Variants in RNGTT observed in about 807,000 individuals in gnomAD.
RNGTT encodes the protein RNA guanylyltransferase and 5'-phosphatase.
Under a neutral mutation model 79.3 loss-of-function variants are expected in RNGTT, and 33 were observed. That is an observed-to-expected ratio of 0.42 (90% CI 0.32 to 0.56). The LOEUF is 0.56. Among genes scored for constraint, RNGTT ranks in the 20% least tolerant of loss-of-function variants. The pLI, the probability that RNGTT is intolerant of heterozygous loss-of-function variation, is 0.17. For synonymous variants in RNGTT, 222 were observed against 235.9 expected (o/e 0.94, Z 0.54); for missense variants, 497 against 739.1 (o/e 0.67, Z 3.80).
At chr6:88,879,764 G>A (rs1782637013) in intron 8 of RNGTT, among the ~76,000 whole-genome samples, 1 of 152,078 alleles carries the variant, frequency 6.6e-6, no homozygotes, top group African/African-American at 2.4e-5. Context: ...CCTACCTTAA[G>A]CTCACTTTTT....
chr6:88,654,690 C>CT (rs2127779328), intron 14 of RNGTT, among the ~76,000 whole-genome samples: 1 of 152,280 alleles, frequency 6.6e-6, no homozygotes, highest in East Asian at 1.9e-4. Context: ...AGCCTCCTCC[C>CT]TATCATCTGT....
chr6:88,740,427 G>A (rs752909679), intron 13 of RNGTT, among the ~76,000 whole-genome samples: 5 of 152,036 alleles, frequency 3.3e-5, no homozygotes, highest in African/African-American at 4.8e-5. Flanking sequence ...CTGAGGTAAA[G>A]AGGATCACTT....
At chr6:88,681,220 T>C (rs1775081805) in intron 13 of RNGTT, among the ~76,000 whole-genome samples, 1 of 152,208 alleles carries the variant, frequency 6.6e-6, no homozygotes, top group Non-Finnish European at 1.5e-5. Flanking sequence ...AAAATCAATA[T>C]GCCTCTAAAT....
At chr6:88,899,533 C>T (rs887129590) in intron 6 of RNGTT, among the ~76,000 whole-genome samples, 1 of 152,070 alleles carries the variant, frequency 6.6e-6, no homozygotes, top group Non-Finnish European at 1.5e-5. Flanking sequence ...CCGCCTCGGC[C>T]TCCCAAAGTG....
intron 11 of RNGTT, among the ~76,000 whole-genome samples, chr6:88,803,422 A>T (rs1358237653): frequency 6.6e-6 from 1 of 151,820 alleles, no homozygotes; most frequent in Non-Finnish European, 1.5e-5. Flanking sequence ...AAAAAATACA[A>T]AAATTAACCG....
chr6:88,666,748 G>T (rs974030863), intron 14 of RNGTT, among the ~76,000 whole-genome samples: 1 of 152,180 alleles, frequency 6.6e-6, no homozygotes, highest in Non-Finnish European at 1.5e-5. Context: ...AGAGATGTCC[G>T]CTGGATATGC....
Position 88,815,879 on chromosome 6 carries a change from A to G in RNGTT, c.1270-14247T>C, listed in dbSNP as rs149649050. Reference sequence around the variant, plus strand: ...GTAAACTAAACATGTTCTGCAGCCTAATAAAGTAACAGGAAAATGGAAGTG... The same window carrying G: ...GTAAACTAAACATGTTCTGCAGCCTGATAAAGTAACAGGAAAATGGAAGTG... On this transcript the variant is annotated intron_variant, in intron 11 of 15. Coordinates refer to ENST00000369485, the MANE Select transcript of RNGTT (RefSeq NM_003800.5). Among the ~76,000 whole-genome samples, 129 of 152,338 alleles carry G rather than the reference A, an allele frequency of 8.5e-4. 1 individual carries two copies. Among genetic ancestry groups the G allele is most frequent in the African/African-American group, 3.1e-3 (127 of 41,588 alleles).
intron 14 of RNGTT, among the ~76,000 whole-genome samples, chr6:88,662,922 C>G (rs1019045028): frequency 3.9e-5 from 6 of 152,202 alleles, no homozygotes; most frequent in Admixed American, 2.6e-4. Context: ...TCACCCACAG[C>G]ATGGCTTTCT....
intron 9 of RNGTT, 121 bp downstream of exon 9, chr6:88,853,508 A>G (rs972434473): frequency 2.4e-5 from 17 of 702,392 alleles, no homozygotes; most frequent in African/African-American, 2.3e-4. Flanking sequence ...CCGTCTCAAA[A>G]AAAAAAAAAA....
chr6:88,670,554 A>T (rs1191059237), intron 14 of RNGTT, among the ~76,000 whole-genome samples: 3 of 152,172 alleles, frequency 2.0e-5, no homozygotes, highest in Non-Finnish European at 4.4e-5. Flanking sequence ...GAAAGCAAAA[A>T]GTTAAAAAAA....
At chr6:88,770,998 A>G (rs1274049919) in intron 12 of RNGTT, among the ~76,000 whole-genome samples, 1 of 152,112 alleles carries the variant, frequency 6.6e-6, no homozygotes, top group Non-Finnish European at 1.5e-5. Context: ...CATATTGTAA[A>G]TAAATAGTCT....
chr6:88,961,708 C>A (rs552059137), intron 1 of RNGTT, among the ~76,000 whole-genome samples: 125 of 152,328 alleles, frequency 8.2e-4, no homozygotes, highest in African/African-American at 2.8e-3. Context: ...GTGGGACTAT[C>A]AAGTGTTACC....
In RNGTT at chr6:88,900,946, A is replaced by G. The variant is rs562252524; in HGVS notation, c.684+3769T>C. On this transcript the variant is annotated intron_variant, in intron 6 of 15. Transcript: ENST00000369485. ...CACCTGAGGTCAGGAGTTTGAGACC[A>G]ACTTGGCCAACATGGTGAAACCCTG... Among the ~76,000 whole-genome samples the G allele has an allele frequency of 7.2e-5, 11 of 152,112 alleles. No homozygotes were observed. In the South Asian group the frequency reaches 2.3e-3, roughly 32 times the overall value.
At position 88,775,516 on chromosome 6, in the gene RNGTT, G is replaced by T. The variant is rs1778846601; in HGVS notation, c.1339-5642C>A. 3.9e-5 allele frequency among the ~76,000 whole-genome samples: 6 copies of T among 152,002 alleles called. No individual in the cohort carries two copies. In the South Asian group the frequency reaches 1.2e-3, roughly 32 times the overall value. On this transcript the variant is annotated intron_variant, in intron 12 of 15. Coordinates refer to ENST00000369485, the MANE Select transcript of RNGTT (RefSeq NM_003800.5). ...GGGATAAAAAGCATGCTCTCCCTCT[G>T]ACCTGAGCTTGCTAATTTTTTTATA...
At chr6:88,873,089 A>G (rs2127922113) in intron 8 of RNGTT, among the ~76,000 whole-genome samples, 1 of 152,310 alleles carries the variant, frequency 6.6e-6, no homozygotes, top group East Asian at 1.9e-4. Flanking sequence ...AAAAAAAGAA[A>G]GAAAGTAAAA....
chr6:88,787,476 T>G (rs887499757), intron 12 of RNGTT, among the ~76,000 whole-genome samples: 8 of 152,170 alleles, frequency 5.3e-5, no homozygotes, highest in African/African-American at 1.9e-4. Flanking sequence ...CTGGCCAACA[T>G]GGTGAAACCC....
chr6:88,673,115 C>T (rs1218262743), intron 14 of RNGTT, among the ~76,000 whole-genome samples: 1 of 152,110 alleles, frequency 6.6e-6, no homozygotes, highest in Non-Finnish European at 1.5e-5. Flanking sequence ...CAAACACTGC[C>T]TCCAACACCA....
chr6:88,795,705 A>G (rs577024282), intron 12 of RNGTT, among the ~76,000 whole-genome samples: 1 of 152,130 alleles, frequency 6.6e-6, no homozygotes, highest in Non-Finnish European at 1.5e-5. Context: ...CCACCACCAA[A>G]AAAAGCAAAC....
chr6:88,788,987 A>C (rs917073190), intron 12 of RNGTT, among the ~76,000 whole-genome samples: 4 of 152,252 alleles, frequency 2.6e-5, no homozygotes, highest in African/African-American at 9.6e-5. Flanking sequence ...TATGTCTCTG[A>C]AAGTAGAATA....
Sources: gnomAD v4.1 joint callset for allele counts (sites outside exome capture counted in the v4.1 genomes callset) on GRCh38, gnomAD v4.1.1 for gene constraint, MANE v1.5 for transcripts, NCBI Gene and HGNC (gene_info 2026-07-23, HGNC 2026-07-21) for gene names.